USP25: variants seen among roughly 807,000 people sequenced by gnomAD.
The protein encoded by USP25 is ubiquitin carboxyl-terminal hydrolase 25.
In USP25, 85 loss-of-function variants were observed where a neutral mutation model predicts 158.5. The ratio of observed to expected loss-of-function variants is 0.54; its 90% confidence interval spans 0.45 to 0.64. USP25 has a LOEUF of 0.64. Ranked by LOEUF, USP25 falls within the 30% of genes least tolerant of loss-of-function variation. The pLI, the probability that USP25 is intolerant of heterozygous loss-of-function variation, is 0.00. For missense variants in USP25, 1,242 were observed against 1,327.3 expected (o/e 0.94, Z 1.00); for synonymous variants, 464 against 460.4 (o/e 1.01, Z -0.10).
chr21:15,861,321 T>A (rs981862677), intron 20 of USP25, among the ~76,000 whole-genome samples: 3 of 152,202 alleles, frequency 2.0e-5, no homozygotes, highest in African/African-American at 7.2e-5. Context: ...GCATTAAGCC[T>A]GATTAAAGGT....
intron 6 of USP25, among the ~76,000 whole-genome samples, 154 bp from the exon 7 acceptor site, chr21:15,804,967 C>T (rs2036307510): frequency 6.6e-6 from 1 of 152,264 alleles, no homozygotes; most frequent in African/African-American, 2.4e-5. Flanking sequence ...GGCACCAACA[C>T]TCTACTTTCT....
intron 7 of USP25, among the ~76,000 whole-genome samples, chr21:15,806,041 T>G (rs1258907068): frequency 1.3e-5 from 2 of 152,170 alleles, no homozygotes; most frequent in African/African-American, 4.8e-5. Flanking sequence ...ATTTACCTTG[T>G]ATGGCAAATG....
At chr21:15,800,379 T>A (rs1600953411) in intron 6 of USP25, among the ~76,000 whole-genome samples, 1 of 151,418 alleles carries the variant, frequency 6.6e-6, no homozygotes, top group African/African-American at 2.4e-5. Context: ...TTTCTCTCTG[T>A]TCCATTTACT....
At chr21:15,739,214 A>G (rs771325442) in intron 1 of USP25, among the ~76,000 whole-genome samples, 1 of 152,100 alleles carries the variant, frequency 6.6e-6, no homozygotes, top group African/African-American at 2.4e-5. Context: ...AATACTTCCA[A>G]TAAATATTGA....
chr21:15,864,485 C>A, intron 21 of USP25, 39 bp downstream of exon 21: 6 of 1,176,186 alleles, frequency 5.1e-6, no homozygotes, highest in South Asian at 1.7e-5. Flanking sequence ...TCAAATCGTT[C>A]TTTTTTTTTT....
chr21:15,730,426 C>T lies in USP25; in HGVS notation c.33C>T (p.Ser11=), dbSNP rs1286184979. The part of the protein sequence containing the change: MTVEQNVLQQ[S]AAQKHQQTFL... ...TGGAGCAGAACGTGCTGCAGCAGAGCGCGGCGCAGAAGGTGAGGCGAGTCC... is the reference window on the plus strand; with the variant it reads ...TGGAGCAGAACGTGCTGCAGCAGAGTGCGGCGCAGAAGGTGAGGCGAGTCC... The change falls in exon 1 of 26, where the codon AGC becomes AGT. Residue 11 remains serine (S), a synonymous_variant. Transcript: ENST00000400183. 2 of 1,365,498 alleles carry T rather than the reference C, an allele frequency of 1.5e-6. No homozygotes were observed. The highest frequency in any genetic ancestry group is 1.5e-5 in the African/African-American group (1 of 65,818). The allele number at this position is 1,365,498 out of a possible 1,614,324, so 84.6% of individuals were successfully genotyped here. A position where few individuals can be genotyped will look rare whatever the true frequency, so the allele number is the denominator to read the frequency against.
intron 1 of USP25, among the ~76,000 whole-genome samples, chr21:15,751,135 C>T (rs1202880233): frequency 6.6e-6 from 1 of 151,912 alleles, no homozygotes; most frequent in Admixed American, 6.6e-5. Flanking sequence ...TGGGAGAGGC[C>T]CTTCAGAAGC....
intron 11 of USP25, 70 bp from the exon 12 acceptor site, chr21:15,824,896 C>T: frequency 7.8e-7 from 1 of 1,287,158 alleles, no homozygotes; most frequent in Non-Finnish European, 1.1e-6. Context: ...GCCGGGTACG[C>T]TGGCATCTGG....
intron 3 of USP25, among the ~76,000 whole-genome samples, chr21:15,776,988 T>C (rs1243700354): frequency 2.0e-5 from 3 of 152,238 alleles, no homozygotes; most frequent in Non-Finnish European, 2.9e-5. Flanking sequence ...ACCACTTCCC[T>C]ACTTAGCAAT....
At chr21:15,804,608 A>G (rs1018763704) in intron 6 of USP25, among the ~76,000 whole-genome samples, 4 of 152,056 alleles carry the variant, frequency 2.6e-5, no homozygotes, top group Non-Finnish European at 1.5e-5. Flanking sequence ...AAAGGCATTT[A>G]TTTCAGTAGA....
At chr21:15,864,473 G>T in intron 21 of USP25, 27 bp downstream of exon 21, 2 of 1,548,902 alleles carry the variant, frequency 1.3e-6, no homozygotes, top group Non-Finnish European at 1.7e-6. Context: ...AAATTCATAT[G>T]CTCAAATCGT....
At chr21:15,781,357 G>A (rs1026694193) in intron 4 of USP25, among the ~76,000 whole-genome samples, 1 of 152,122 alleles carries the variant, frequency 6.6e-6, no homozygotes, top group Non-Finnish European at 1.5e-5. Flanking sequence ...TGGCAGTGGT[G>A]GTGATCTGGG....
At chr21:15,848,740 A>G (rs1397004621) in intron 19 of USP25, among the ~76,000 whole-genome samples, 2 of 152,154 alleles carry the variant, frequency 1.3e-5, no homozygotes, top group Admixed American at 6.5e-5. Flanking sequence ...GTAAGAAATC[A>G]CACGCCATAA....
chr21:15,756,479 A>G (rs1395861521), intron 1 of USP25, among the ~76,000 whole-genome samples: 1 of 152,184 alleles, frequency 6.6e-6, no homozygotes, highest in Non-Finnish European at 1.5e-5. Flanking sequence ...GTCTTGGGCC[A>G]GTGATCCCTT....
rs562739367 is a variant in USP25 at position 15,763,549 on chromosome 21, T to C, written c.123+581T>C. Among the ~76,000 whole-genome samples the C allele has an allele frequency of 7.2e-5, 11 of 152,254 alleles. No homozygotes were observed. In the East Asian group the frequency reaches 2.1e-3, roughly 29 times the overall value. ...CGACATCCAAATGAGTCATATCATA[T>C]GGATACTCACATTGAAAAAGAGTGA... On this transcript the variant is annotated intron_variant, in intron 2 of 25. Transcript: ENST00000400183.
rs200315319 is a variant in USP25 at position 15,766,092 on chromosome 21, A to G, written c.219A>G (p.Ala73=). The change falls in exon 3 of 26, where the codon GCA becomes GCG. Residue 73 remains alanine (A), a synonymous_variant. Coordinates refer to ENST00000400183, the MANE Select transcript of USP25 (RefSeq NM_001283041.3). This position sits in a 1 kb window ranked among gnomAD's most constrained non-coding sequence, Gnocchi z 4.0. ...QQEETTYYQT[A]LPGNDRYISV... ...AGGAGACAACTTACTACCAAACAGC[A>G]CTTCCTGGCAATGATAGATACATCA... 2.0e-5 allele frequency: 32 copies of G among 1,610,498 alleles called. No individual in the cohort carries two copies. The highest frequency in any genetic ancestry group is 2.7e-5 in the Non-Finnish European group (32 of 1,178,362).
At chr21:15,808,041 G>T (rs889692745) in intron 7 of USP25, among the ~76,000 whole-genome samples, 1 of 152,160 alleles carries the variant, frequency 6.6e-6, no homozygotes, top group Admixed American at 6.5e-5. Flanking sequence ...AAAAATATAT[G>T]ATAGTAAGTT....
intron 1 of USP25, among the ~76,000 whole-genome samples, chr21:15,738,772 C>T (rs2031758168): frequency 6.6e-6 from 1 of 152,158 alleles, no homozygotes; most frequent in African/African-American, 2.4e-5. Context: ...AATCCACAAG[C>T]AGACAGCCCA....
chr21:15,825,194 G>A (rs2037440108), intron 12 of USP25, 133 bp downstream of exon 12: 1 of 624,034 alleles, frequency 1.6e-6, no homozygotes, highest in South Asian at 2.4e-5. Flanking sequence ...ATAGTTTTGA[G>A]TTTTGCTTGA....
Sources: gnomAD v4.1 joint callset for allele counts (sites outside exome capture counted in the v4.1 genomes callset) on GRCh38, gnomAD v4.1.1 for gene constraint, Gnocchi (gnomAD v3.1) non-coding constraint, MANE v1.5 for transcripts, NCBI Gene and HGNC (gene_info 2026-07-23, HGNC 2026-07-21) for gene names.